TTF1: variants seen among roughly 807,000 people sequenced by gnomAD.
The protein encoded by TTF1 is transcription termination factor, RNA polymerase I.
Under a neutral mutation model 80.2 loss-of-function variants are expected in TTF1, and 64 were observed. That is an observed-to-expected ratio of 0.80 (90% confidence interval 0.65 to 0.98). The LOEUF (loss-of-function observed/expected upper bound fraction) is 0.98. TTF1 is among the 50% of genes least tolerant of loss of function. The pLI is 0.00. For missense variants in TTF1, 1,023 were observed against 1,086.2 expected (o/e 0.94, Z 0.82); for synonymous variants, 372 against 382.7 (o/e 0.97, Z 0.33).
Position 132,401,849 on chromosome 9 carries a change from C to T in TTF1, c.973G>A (p.Ala325Thr). The change falls in exon 2 of 11, where the codon GCA becomes ACA. Residue 325 changes from alanine to threonine, a missense_variant. Coordinates refer to ENST00000334270, the MANE Select transcript of TTF1 (RefSeq NM_007344.4). ...GLHGETAGIP[A>T]PAYKNKSKKK... Reference sequence around the variant, plus strand: ...TTAGACTTGTTTTTATAAGCAGGTGCTGGTATTCCTGCAGTTTCACCATGC... The same window carrying T: ...TTAGACTTGTTTTTATAAGCAGGTGTTGGTATTCCTGCAGTTTCACCATGC... 2 of 1,613,704 alleles carry T rather than the reference C, an allele frequency of 1.2e-6. No individual in the cohort carries two copies. Among genetic ancestry groups the T allele is most frequent in the Non-Finnish European group, 1.7e-6 (2 of 1,179,978 alleles).
At chr9:132,395,596 T>C (rs1020977330) in intron 5 of TTF1, among the ~76,000 whole-genome samples, 21 of 152,224 alleles carry the variant, frequency 1.4e-4, no homozygotes, top group African/African-American at 4.8e-4. Flanking sequence ...GTGTGTGAAC[T>C]TTCCTCACCT....
intron 1 of TTF1, among the ~76,000 whole-genome samples, chr9:132,405,080 A>G (rs1247357892): frequency 2.6e-5 from 4 of 151,588 alleles, no homozygotes; most frequent in Non-Finnish European, 1.5e-5. Context: ...GTAGAGACGG[A>G]GTTTCACCGT....
Position 132,384,523 on chromosome 9 carries a change from G to C in TTF1, c.2378+2033C>G, listed in dbSNP as rs181097011. On this transcript the variant is annotated intron_variant, in intron 9 of 10. Transcript: ENST00000334270. The surrounding 1 kb of genome is among the most constrained non-coding windows in gnomAD (Gnocchi z 4.1). ...TATAAATAGCCAACATTAGCCATCA[G>C]AACATCACTCAGATCCTGCAGACAT... Among the ~76,000 whole-genome samples, 1 of 152,298 alleles carries C rather than the reference G, an allele frequency of 6.6e-6. No individual in the cohort carries two copies. The highest frequency in any genetic ancestry group is 1.9e-4 in the East Asian group (1 of 5,186).
rs1319970604 is a variant in TTF1 at position 132,375,843 on chromosome 9, C to T, written c.*72G>A. 5.5e-6 allele frequency: 5 copies of T among 910,552 alleles called. No homozygotes were observed. The highest frequency in any genetic ancestry group is 1.7e-5 in the African/African-American group (1 of 59,936). 56.4% of individuals were successfully genotyped at this position (910,552 alleles called of 1,614,324 possible). ...AATTACAGGTGTGCACTACCACACCCGGCTAATTTTTGCATTTTTAATAGT... is the reference window on the plus strand; with the variant it reads ...AATTACAGGTGTGCACTACCACACCTGGCTAATTTTTGCATTTTTAATAGT... On this transcript the variant is annotated 3_prime_UTR_variant, in exon 11 of 11. Coordinates refer to ENST00000334270, the MANE Select transcript of TTF1 (RefSeq NM_007344.4).
At chr9:132,377,345 AGTGCATGTGGTGTGT>A (rs1849212582) in intron 10 of TTF1, among the ~76,000 whole-genome samples, 2 of 88,700 alleles carry the variant, frequency 2.3e-5, no homozygotes, top group Non-Finnish European at 4.3e-5. Flanking sequence ...ATGTGGTGTG[AGTGCATGTGGTGTGT>A]GTGAGTGCAT....
At chr9:132,383,908 T>C (rs922558430) in intron 9 of TTF1, among the ~76,000 whole-genome samples, 1 of 152,226 alleles carries the variant, frequency 6.6e-6, no homozygotes, top group Admixed American at 6.5e-5. Context: ...GTAAAATACA[T>C]ATATAGCCAG....
At chr9:132,391,504 C>A (rs537195285) in intron 6 of TTF1, among the ~76,000 whole-genome samples, 2 of 150,894 alleles carry the variant, frequency 1.3e-5, no homozygotes, top group East Asian at 3.9e-4. Context: ...CTAGAGTTCA[C>A]AAAATTAAAA....
chr9:132,398,066 A>G, intron 4 of TTF1, 75 bp downstream of exon 4: 1 of 1,335,900 alleles, frequency 7.5e-7, no homozygotes, highest in Non-Finnish European at 1.0e-6. Flanking sequence ...GTACCGTGCT[A>G]ACACTTACCA....
intron 10 of TTF1, among the ~76,000 whole-genome samples, chr9:132,377,932 CGT>C (rs1224440350): frequency 2.7e-5 from 1 of 37,052 alleles, no homozygotes. Flanking sequence ...GCATGTGGTG[CGT>C]GTGAATGCAT....
At chr9:132,381,348 G>A (rs868179380) in intron 9 of TTF1, among the ~76,000 whole-genome samples, 5 of 151,894 alleles carry the variant, frequency 3.3e-5, no homozygotes, top group South Asian at 4.2e-4. Flanking sequence ...CTGCTACCAC[G>A]CCCAGCTAAT....
rs1210838898 is a variant in TTF1 at position 132,401,591 on chromosome 9, T to A, written c.1231A>T (p.Ser411Cys). The A allele has an allele frequency of 6.2e-7, 1 of 1,614,076 alleles. No homozygotes were observed. The highest frequency in any genetic ancestry group is 1.3e-5 in the African/African-American group (1 of 74,924). The change falls in exon 2 of 11, where the codon AGT (serine) becomes TGT (cysteine). Residue 411 changes from serine (S) to cysteine (C), a missense_variant. Coordinates refer to ENST00000334270, the MANE Select transcript of TTF1 (RefSeq NM_007344.4). The part of the protein sequence containing the change: ...RVSGDDFSVP[S>C]KNSESTLFDS... ...AAGAGTGTGCTCTCAGAGTTCTTAC[T>A]GGGCACTGAAAAATCATCACCAGAC...
chr9:132,395,756 C>G (rs1042640630), intron 5 of TTF1, among the ~76,000 whole-genome samples: 1 of 152,220 alleles, frequency 6.6e-6, no homozygotes. Context: ...AAAGCTGCCT[C>G]TCAGAGAGAG....
At chr9:132,381,653 G>A (rs757316810) in intron 9 of TTF1, among the ~76,000 whole-genome samples, 4 of 152,104 alleles carry the variant, frequency 2.6e-5, no homozygotes, top group Non-Finnish European at 4.4e-5. Flanking sequence ...TGGGCACCCT[G>A]CCCCTCAGAT....
At chr9:132,378,428 T>G (rs1849290924) in intron 10 of TTF1, among the ~76,000 whole-genome samples, 1 of 80,286 alleles carries the variant, frequency 1.2e-5, no homozygotes. Flanking sequence ...TGAGTGCATG[T>G]GGTGTGTGAA....
chr9:132,376,077 A>G lies in TTF1; in HGVS notation c.2556T>C (p.Thr852=), dbSNP rs749510511. 35 of 1,614,072 alleles carry G rather than the reference A, an allele frequency of 2.2e-5. No homozygotes were observed. Among genetic ancestry groups the G allele is most frequent in the Admixed American group, 3.3e-5 (2 of 59,992 alleles). Residue 852 remains threonine (T), a synonymous_variant, in exon 11 of 11, where the codon ACT becomes ACC. Transcript: ENST00000334270. ...MMEKKGTKIQ[T]PAAPKQVFPF... ...GGAAAACTTGCTTGGGTGCTGCAGGAGTCTGGATTTTAGTGCCTTTTTTCT... is the reference window on the plus strand; with the variant it reads ...GGAAAACTTGCTTGGGTGCTGCAGGGGTCTGGATTTTAGTGCCTTTTTTCT...
chr9:132,378,055 GGTGTGTGAGTGCATGTGGT>G (rs1336171489), intron 10 of TTF1, among the ~76,000 whole-genome samples: 39 of 111,720 alleles, frequency 3.5e-4, no homozygotes, highest in African/African-American at 1.3e-3. Context: ...GAATGCATGT[GGTGTGTGAGTGCATGTGGT>G]GTGTGTGAGT....
chr9:132,377,478 A>G (rs1324518339), intron 10 of TTF1, among the ~76,000 whole-genome samples: 2 of 32,176 alleles, frequency 6.2e-5, no homozygotes, highest in Admixed American at 4.3e-4. Context: ...GGTGTGTGTG[A>G]ATGCATGTGG....
chr9:132,381,896 A>G (rs945684301), intron 9 of TTF1, among the ~76,000 whole-genome samples: 1 of 152,208 alleles, frequency 6.6e-6, no homozygotes, highest in African/African-American at 2.4e-5. Flanking sequence ...CTAATGGACC[A>G]ATGGCGACCT....
At chr9:132,379,027 T>G in intron 10 of TTF1, 32 bp downstream of exon 10, 2 of 1,538,014 alleles carry the variant, frequency 1.3e-6, no homozygotes, top group African/African-American at 2.8e-5. Context: ...AAATGCCATG[T>G]TCTTAGCCAT....
Sources: allele counts gnomAD v4.1 joint callset (sites outside exome capture counted in the v4.1 genomes callset), GRCh38; gene constraint gnomAD v4.1.1; non-coding constraint Gnocchi (gnomAD v3.1); transcripts MANE v1.5; gene names NCBI Gene and HGNC (gene_info 2026-07-23, HGNC 2026-07-21).